The following PIP4K2A variants were observed in gnomAD, a reference collection of about 807,000 sequenced individuals.
The protein encoded by PIP4K2A is phosphatidylinositol 5-phosphate 4-kinase type-2 alpha.
In PIP4K2A, 14 loss-of-function variants were observed where a neutral mutation model predicts 42.9. The observed-to-expected ratio is 0.33, with a 90% confidence interval of 0.22 to 0.51. The LOEUF (loss-of-function observed/expected upper bound fraction) is 0.51, where lower values mean the gene tolerates loss of function less well. Among genes scored for constraint, PIP4K2A ranks in the 20% least tolerant of loss-of-function variants. The probability of loss-of-function intolerance (pLI) is 0.97; values close to 1 mark genes in which losing one functional copy is unlikely to be tolerated. For synonymous variants in PIP4K2A, 192 were observed against 192.2 expected (o/e 1.00, Z 0.01); for missense variants, 434 against 519.8 (o/e 0.83, Z 1.61).
chr10:22,640,439 G>A (rs1588679760), intron 1 of PIP4K2A, among the ~76,000 whole-genome samples: 5 of 152,294 alleles, frequency 3.3e-5, no homozygotes, highest in Admixed American at 3.3e-4. Context: ...GTCAACACCA[G>A]GTCCTTTTAA....
chr10:22,550,358 G>A (rs963767904), intron 7 of PIP4K2A, among the ~76,000 whole-genome samples: 1 of 152,216 alleles, frequency 6.6e-6, no homozygotes, highest in Admixed American at 6.5e-5. Flanking sequence ...GTGTGGGCAG[G>A]TCAGTCTTCA....
At chr10:22,539,242 G>A (rs1288681000) in intron 9 of PIP4K2A, among the ~76,000 whole-genome samples, 1 of 152,188 alleles carries the variant, frequency 6.6e-6, no homozygotes, top group African/African-American at 2.4e-5. Context: ...TTGCTACTAT[G>A]AGGCCCTGGC....
intron 4 of PIP4K2A, among the ~76,000 whole-genome samples, chr10:22,591,006 T>C (rs142803419): frequency 1.3e-5 from 2 of 152,360 alleles, no homozygotes; most frequent in East Asian, 1.9e-4. Flanking sequence ...GGCTGGGCCT[T>C]GGGAACATGT....
At chr10:22,574,444 G>GTTTT (rs765734098) in intron 4 of PIP4K2A, among the ~76,000 whole-genome samples, 32,226 of 141,950 alleles carry the variant, frequency 0.23, 4,633 homozygotes, top group Non-Finnish European at 0.33. Context: ...TTCATTTTCT[G>GTTTT]TTTTTTTTTT....
chr10:22,571,958 A>G (rs1309228367), intron 5 of PIP4K2A, among the ~76,000 whole-genome samples: 1 of 152,194 alleles, frequency 6.6e-6, no homozygotes, highest in Non-Finnish European at 1.5e-5. Context: ...GAAAATAGTT[A>G]TTTTTCATAA....
At chr10:22,675,370 G>A (rs375107962) in intron 1 of PIP4K2A, among the ~76,000 whole-genome samples, 1 of 152,112 alleles carries the variant, frequency 6.6e-6, no homozygotes. Context: ...GGCAGATCAC[G>A]AAATCAGGAG....
At chr10:22,657,954 T>C (rs551854153) in intron 1 of PIP4K2A, among the ~76,000 whole-genome samples, 71 of 152,338 alleles carry the variant, frequency 4.7e-4, no homozygotes, top group African/African-American at 1.7e-3. Flanking sequence ...ACGTAGAAAG[T>C]GGGACCTGTT....
chr10:22,583,527 A>G (rs1245540042), intron 4 of PIP4K2A, among the ~76,000 whole-genome samples: 1 of 152,210 alleles, frequency 6.6e-6, no homozygotes, highest in East Asian at 1.9e-4. Flanking sequence ...GCACAGGGGT[A>G]CACGGACACT....
chr10:22,611,584 C>A (rs866792598), intron 1 of PIP4K2A, among the ~76,000 whole-genome samples: 14 of 152,272 alleles, frequency 9.2e-5, no homozygotes, highest in Admixed American at 9.2e-4. Flanking sequence ...ATAGTGACAG[C>A]TGACAGCTAG....
chr10:22,692,789 C>T (rs1358194689), intron 1 of PIP4K2A, among the ~76,000 whole-genome samples: 3 of 152,158 alleles, frequency 2.0e-5, no homozygotes, highest in Non-Finnish European at 4.4e-5. Flanking sequence ...ACCTACATAC[C>T]AAGGTAACTA....
At chr10:22,690,714 C>G (rs1157830384) in intron 1 of PIP4K2A, among the ~76,000 whole-genome samples, 1 of 152,164 alleles carries the variant, frequency 6.6e-6, no homozygotes. Context: ...AAGAAATAAC[C>G]GTTTTACAGA....
intron 6 of PIP4K2A, among the ~76,000 whole-genome samples, chr10:22,560,786 GAGA>G (rs759471320): frequency 2.6e-5 from 4 of 152,182 alleles, no homozygotes; most frequent in Admixed American, 1.3e-4. Flanking sequence ...CATGAGTTTT[GAGA>G]AGAACTGTGC....
intron 1 of PIP4K2A, among the ~76,000 whole-genome samples, chr10:22,656,508 C>T (rs1253859532): frequency 6.6e-6 from 1 of 152,154 alleles, no homozygotes. Context: ...GACCATCTTG[C>T]TGCTACAAGG....
chr10:22,618,637 G>A (rs1402491838), intron 1 of PIP4K2A, among the ~76,000 whole-genome samples: 2 of 152,148 alleles, frequency 1.3e-5, no homozygotes, highest in African/African-American at 4.8e-5. Flanking sequence ...TCCACACCAT[G>A]CTCTTCTCTC....
At chr10:22,576,983 C>T (rs1200075166) in intron 4 of PIP4K2A, among the ~76,000 whole-genome samples, 1 of 147,446 alleles carries the variant, frequency 6.8e-6, no homozygotes, top group Admixed American at 7.0e-5. Context: ...CTGGGTGAGG[C>T]AGGAGAATCG....
At chr10:22,571,264 G>A (rs914902536) in intron 5 of PIP4K2A, among the ~76,000 whole-genome samples, 1 of 152,178 alleles carries the variant, frequency 6.6e-6, no homozygotes, top group Non-Finnish European at 1.5e-5. Flanking sequence ...CAAAATGAAT[G>A]AAGCTGCTAG....
chr10:22,660,240 G>A (rs1839177171), intron 1 of PIP4K2A, among the ~76,000 whole-genome samples: 1 of 152,156 alleles, frequency 6.6e-6, no homozygotes, highest in African/African-American at 2.4e-5. Context: ...GGAGACCAAG[G>A]CGGGCGGATT....
intron 1 of PIP4K2A, among the ~76,000 whole-genome samples, chr10:22,707,143 G>A (rs1833836976): frequency 6.6e-6 from 1 of 152,184 alleles, no homozygotes; most frequent in African/African-American, 2.4e-5. Flanking sequence ...AATAATGACA[G>A]CTAGCACATT....
At chr10:22,650,541 C>A (rs2798981) in intron 1 of PIP4K2A, among the ~76,000 whole-genome samples, 37,706 of 152,150 alleles carry the variant, frequency 0.25, 5,053 homozygotes, top group Non-Finnish European at 0.3. Context: ...GCACTCTATA[C>A]ACAAGAGAAC....
Sources: gnomAD v4.1 joint callset for allele counts (sites outside exome capture counted in the v4.1 genomes callset) on GRCh38, gnomAD v4.1.1 for gene constraint, MANE v1.5 for transcripts, NCBI Gene and HGNC (gene_info 2026-07-23, HGNC 2026-07-21) for gene names.